The following SFMBT1 variants were observed in gnomAD, a reference collection of about 807,000 sequenced individuals.
SFMBT1 encodes scm-like with four MBT domains protein 1.
A neutral mutation model predicts 108.7 loss-of-function variants in SFMBT1; 32 were observed. That is an observed-to-expected ratio of 0.29 (90% CI 0.22 to 0.40). SFMBT1 has a LOEUF of 0.40. Among genes scored for constraint, SFMBT1 ranks in the 10% least tolerant of loss-of-function variants. The probability of loss-of-function intolerance (pLI) is 1.00; values close to 1 mark genes in which losing one functional copy is unlikely to be tolerated. For missense variants in SFMBT1, 816 were observed against 1,059.6 expected (o/e 0.77, Z 3.19); for synonymous variants, 348 against 369.5 (o/e 0.94, Z 0.67).
intron 1 of SFMBT1, among the ~76,000 whole-genome samples, chr3:53,000,123 A>G (rs1162994583): frequency 6.7e-5 from 10 of 150,064 alleles, no homozygotes; most frequent in Admixed American, 6.0e-4. Context: ...CGGCCTCCCA[A>G]AGTGCTGGGA....
At chr3:52,945,263 G>A (rs535089575) in intron 3 of SFMBT1, among the ~76,000 whole-genome samples, 1 of 151,710 alleles carries the variant, frequency 6.6e-6, no homozygotes, top group Admixed American at 6.6e-5. Context: ...AAAATTATGG[G>A]AGTATGTTGA....
In SFMBT1 at chr3:53,001,972, CAT is replaced by C. The variant is rs1491071330; in HGVS notation, c.-130-32716_-130-32715del. Among the ~76,000 whole-genome samples, 119 of 139,870 alleles carry C rather than the reference CAT, an allele frequency of 8.5e-4. 6 individuals carry two copies. In the South Asian group the frequency reaches 0.024, roughly 28 times the overall value. The allele number at this position is 139,870 out of a possible 152,430, so 91.8% of individuals were successfully genotyped here. ...ACACACACACACACACACACACACA[CAT>C]AAATGAAAGATTACTGCCTGTTTTG... On this transcript the variant is annotated intron_variant, in intron 1 of 20. Coordinates refer to ENST00000394752, the MANE Select transcript of SFMBT1 (RefSeq NM_016329.4).
At chr3:52,928,477 G>A (rs1374781831) in intron 8 of SFMBT1, 136 bp from the exon 9 acceptor site, 3 of 842,764 alleles carry the variant, frequency 3.6e-6, no homozygotes, top group Non-Finnish European at 5.3e-6. Flanking sequence ...TGTTAGCTCT[G>A]TGTTATGTAA....
intron 4 of SFMBT1, among the ~76,000 whole-genome samples, chr3:52,939,489 G>A (rs758614800): frequency 9.9e-5 from 15 of 152,200 alleles, no homozygotes; most frequent in Non-Finnish European, 2.1e-4. Flanking sequence ...CAGAAGAACT[G>A]CTTGAACCTG....
chr3:52,926,129 T>C lies in SFMBT1; in HGVS notation c.1049-16A>G. ...CTTGGGTAGCCTAGGTGGGGACAAA[T>C]GAACAATGAGTCACACTACCACACC... is the stretch of plus-strand genomic sequence containing the variant. On this transcript the variant is annotated splice_polypyrimidine_tract_variant and intron_variant, in intron 9 of 20. Transcript: ENST00000394752. The C allele has an allele frequency of 6.2e-7, 1 of 1,605,576 alleles. No homozygotes were observed.
At chr3:52,936,161 T>C (rs899806664) in intron 4 of SFMBT1, among the ~76,000 whole-genome samples, 11 of 152,216 alleles carry the variant, frequency 7.2e-5, no homozygotes, top group Non-Finnish European at 1.6e-4. Context: ...GGTTACTACA[T>C]AGATGCACTG....
At chr3:52,999,274 A>T (rs1698454480) in intron 1 of SFMBT1, among the ~76,000 whole-genome samples, 1 of 150,230 alleles carries the variant, frequency 6.7e-6, no homozygotes, top group Non-Finnish European at 1.5e-5. Flanking sequence ...GGCTCCTGGA[A>T]CCCTACGTGA....
At chr3:52,965,630 C>T (rs1704106404) in intron 2 of SFMBT1, among the ~76,000 whole-genome samples, 1 of 151,982 alleles carries the variant, frequency 6.6e-6, no homozygotes, top group Admixed American at 6.6e-5. Context: ...GCAAAAATAT[C>T]CCTCAACAAT....
chr3:52,939,959 G>A (rs562671574), intron 4 of SFMBT1, among the ~76,000 whole-genome samples: 3 of 150,916 alleles, frequency 2.0e-5, no homozygotes, highest in African/African-American at 7.3e-5. Context: ...TTTTTTCACT[G>A]TTTCTATTAT....
At chr3:52,938,565 A>G (rs901117828) in intron 4 of SFMBT1, among the ~76,000 whole-genome samples, 1 of 151,544 alleles carries the variant, frequency 6.6e-6, no homozygotes, top group African/African-American at 2.4e-5. Context: ...TCTCTCCTTC[A>G]GCATCTCATT....
chr3:52,917,109 T>A (rs1702379995), intron 13 of SFMBT1, among the ~76,000 whole-genome samples: 2 of 152,242 alleles, frequency 1.3e-5, no homozygotes, highest in Non-Finnish European at 2.9e-5. Context: ...TCAGTCTTTT[T>A]TTTCATTGTT....
chr3:52,932,424 A>T (rs1702886699), intron 5 of SFMBT1, 116 bp from the exon 6 acceptor site: 1 of 971,188 alleles, frequency 1.0e-6, no homozygotes. Context: ...TTCAAAAGCC[A>T]GTGACACTAA....
chr3:52,965,299 C>G (rs1161268647), intron 2 of SFMBT1, among the ~76,000 whole-genome samples: 1 of 144,954 alleles, frequency 6.9e-6, no homozygotes, highest in Non-Finnish European at 1.5e-5. Flanking sequence ...AGAAAAAACC[C>G]AATCTAAACA....
At chr3:52,999,926 T>C (rs1698481585) in intron 1 of SFMBT1, among the ~76,000 whole-genome samples, 2 of 150,090 alleles carry the variant, frequency 1.3e-5, no homozygotes, top group Admixed American at 1.3e-4. Flanking sequence ...TGGCACAATC[T>C]CGGCTCACTG....
At chr3:52,984,726 CTGTGTGTGTG>C (rs57308874) in intron 1 of SFMBT1, among the ~76,000 whole-genome samples, 13,082 of 140,198 alleles carry the variant, frequency 0.093, 750 homozygotes, top group African/African-American at 0.15. Context: ...ATACTAAATA[CTGTGTGTGTG>C]TGTGTGTGTG....
chr3:52,952,946 G>A (rs146258027), intron 3 of SFMBT1, among the ~76,000 whole-genome samples: 32 of 152,268 alleles, frequency 2.1e-4, no homozygotes, highest in African/African-American at 7.2e-4. Flanking sequence ...ACACAGCAAG[G>A]TGGCAACTAT....
intron 1 of SFMBT1, among the ~76,000 whole-genome samples, chr3:53,009,434 A>AAAAT (rs575594934): frequency 2.6e-5 from 4 of 152,286 alleles, no homozygotes; most frequent in African/African-American, 4.8e-5. Flanking sequence ...TCCATCTCAA[A>AAAAT]AAATAAATAA....
chr3:52,917,139 TATAA>T (rs937873733), intron 13 of SFMBT1, among the ~76,000 whole-genome samples: 1 of 152,102 alleles, frequency 6.6e-6, no homozygotes, highest in African/African-American at 2.4e-5. Flanking sequence ...CTCTACTTGG[TATAA>T]ATGTCTATGG....
intron 1 of SFMBT1, among the ~76,000 whole-genome samples, chr3:53,023,845 C>G (rs775722855): frequency 1.3e-5 from 2 of 152,198 alleles, no homozygotes; most frequent in African/African-American, 4.8e-5. Flanking sequence ...GGTTTCCTGA[C>G]TAGACACTCG....
Sources: allele counts gnomAD v4.1 joint callset (sites outside exome capture counted in the v4.1 genomes callset), GRCh38; gene constraint gnomAD v4.1.1; transcripts MANE v1.5; gene names NCBI Gene and HGNC (gene_info 2026-07-23, HGNC 2026-07-21).